CENPW: variants seen among roughly 807,000 people sequenced by gnomAD.
The protein encoded by CENPW is centromere protein W.
Under a neutral mutation model 11.1 loss-of-function variants are expected in CENPW, and 3 were observed. The observed-to-expected ratio is 0.27, with a 90% CI of 0.12 to 0.70. The LOEUF (loss-of-function observed/expected upper bound fraction) is 0.70, where lower values mean the gene tolerates loss of function less well. Among genes scored for constraint, CENPW ranks in the 30% least tolerant of loss-of-function variants. The probability of loss-of-function intolerance (pLI) is 0.77; values close to 1 mark genes in which losing one functional copy is unlikely to be tolerated. For missense variants in CENPW, 100 were observed against 105.6 expected (o/e 0.95, Z 0.23); for synonymous variants, 38 against 42.0 (o/e 0.91, Z 0.37).
At chr6:126,447,394 T>C in the CENPW span, among the ~76,000 whole-genome samples, 1 of 151,134 alleles carries the variant, frequency 6.6e-6, no homozygotes, top group Admixed American at 6.6e-5. Context: ...AAATAAAAAG[T>C]TGGGACAAAT....
At position 126,340,321 on chromosome 6, in the gene CENPW, G is replaced by C. The variant is rs1780276090; in HGVS notation, c.48G>C (p.Lys16Asn). ...CCCAGAGGAAGCAGATAAAGCGGAA[G>C]GCTCCCCGTGGCTTTCTAAAGCGAG... ...IVSQRKQIKR[K>N]APRGFLKRVF... The change falls in exon 1 of 3, where the codon AAG (lysine) becomes AAC (asparagine). Residue 16 changes from lysine to asparagine, a missense_variant. Lys to Asn is a moderately conservative substitution (Grantham distance 94). Transcript: ENST00000368328. 6.2e-7 allele frequency: 1 copy of C among 1,613,974 alleles called. No individual in the cohort carries two copies. The highest frequency in any genetic ancestry group is 1.1e-5 in the South Asian group (1 of 91,070).
chr6:126,341,339 A>G (rs1780306204), intron 1 of CENPW, among the ~76,000 whole-genome samples: 1 of 152,182 alleles, frequency 6.6e-6, no homozygotes. Flanking sequence ...AATTGTGGAT[A>G]ATAAGAGCAT....
At chr6:126,398,102 T>C in the CENPW span, among the ~76,000 whole-genome samples, 4 of 152,212 alleles carry the variant, frequency 2.6e-5, no homozygotes, top group Non-Finnish European at 5.9e-5. Context: ...TGTGCAGACA[T>C]AACTACCAAT....
chr6:126,380,893 T>C, the CENPW span, among the ~76,000 whole-genome samples: 40 of 152,340 alleles, frequency 2.6e-4, no homozygotes, highest in African/African-American at 8.4e-4. Context: ...TCTCTGTTGA[T>C]CGAACTTTAG....
At chr6:126,357,115 A>G in the CENPW span, among the ~76,000 whole-genome samples, 8 of 152,014 alleles carry the variant, frequency 5.3e-5, no homozygotes, top group African/African-American at 1.9e-4. Context: ...TTAATTTTTT[A>G]TATGGCGTAG....
chr6:126,388,212 A>C, the CENPW span, among the ~76,000 whole-genome samples: 593 of 152,146 alleles, frequency 3.9e-3, 7 homozygotes, highest in African/African-American at 0.014. Context: ...AGTGAATGAC[A>C]GTTGTTTTAT....
At chr6:126,446,669 G>A in the CENPW span, among the ~76,000 whole-genome samples, 1 of 150,998 alleles carries the variant, frequency 6.6e-6, no homozygotes, top group Non-Finnish European at 1.5e-5. Flanking sequence ...GAAGTTACTT[G>A]ATGTTCTGGG....
chr6:126,436,629 A>G, the CENPW span, among the ~76,000 whole-genome samples: 1 of 151,854 alleles, frequency 6.6e-6, no homozygotes, highest in African/African-American at 2.4e-5. Flanking sequence ...GAAAACTTTT[A>G]AAAATATTTT....
chr6:126,472,329 A>G, the CENPW span, among the ~76,000 whole-genome samples: 48 of 152,302 alleles, frequency 3.2e-4, no homozygotes, highest in South Asian at 2.5e-3. Flanking sequence ...TGGCCCAACC[A>G]TACCAGCTAC....
chr6:126,400,275 C>T, the CENPW span, among the ~76,000 whole-genome samples: 1 of 152,080 alleles, frequency 6.6e-6, no homozygotes, highest in Non-Finnish European at 1.5e-5. Context: ...TCTGTTATCT[C>T]ATAGTGGCTT....
the CENPW span, among the ~76,000 whole-genome samples, chr6:126,435,246 C>T: frequency 6.6e-6 from 1 of 151,486 alleles, no homozygotes; most frequent in African/African-American, 2.4e-5. Context: ...CTGGAAATTT[C>T]ATTTTAATAA....
the CENPW span, among the ~76,000 whole-genome samples, chr6:126,406,125 C>T: frequency 2.6e-5 from 4 of 152,060 alleles, no homozygotes; most frequent in African/African-American, 9.7e-5. Context: ...TGAAGTACAT[C>T]CTTTCTATAC....
chr6:126,387,588 G>A, the CENPW span, among the ~76,000 whole-genome samples: 22 of 151,852 alleles, frequency 1.4e-4, no homozygotes, highest in Admixed American at 1.4e-3. Context: ...AATATTGTAT[G>A]GGCAGATGCA....
chr6:126,462,292 T>C, the CENPW span, among the ~76,000 whole-genome samples: 1 of 151,970 alleles, frequency 6.6e-6, no homozygotes, highest in African/African-American at 2.4e-5. Context: ...TCATGCCACT[T>C]TACTTATGTA....
chr6:126,476,774 G>A, the CENPW span, among the ~76,000 whole-genome samples: 2 of 151,864 alleles, frequency 1.3e-5, no homozygotes, highest in East Asian at 1.9e-4. Context: ...TATAAAGACA[G>A]ATGCTCTGAG....
At chr6:126,417,378 A>G in the CENPW span, among the ~76,000 whole-genome samples, 1 of 152,156 alleles carries the variant, frequency 6.6e-6, no homozygotes, top group Non-Finnish European at 1.5e-5. Context: ...TTAATGTTGA[A>G]ATGAGTTAAG....
the CENPW span, among the ~76,000 whole-genome samples, chr6:126,392,509 C>G: frequency 6.6e-6 from 1 of 151,962 alleles, no homozygotes; most frequent in East Asian, 1.9e-4. Context: ...GGATTTCTTT[C>G]ATGAAGAGAT....
the CENPW span, among the ~76,000 whole-genome samples, chr6:126,428,295 A>C: frequency 6.6e-6 from 1 of 152,182 alleles, no homozygotes; most frequent in African/African-American, 2.4e-5. Flanking sequence ...AAAAATGCAG[A>C]AGTGTTTAAA....
chr6:126,376,054 G>T, the CENPW span, among the ~76,000 whole-genome samples: 1 of 152,206 alleles, frequency 6.6e-6, no homozygotes, highest in East Asian at 1.9e-4. Flanking sequence ...AACATGACTT[G>T]CACGTCCTGA....
Sources: allele counts gnomAD v4.1 joint callset (sites outside exome capture counted in the v4.1 genomes callset), GRCh38; gene constraint gnomAD v4.1.1; transcripts MANE v1.5; gene names NCBI Gene and HGNC (gene_info 2026-07-23, HGNC 2026-07-21).